TENM1: variants seen among roughly 807,000 people sequenced by gnomAD.
TENM1 encodes teneurin transmembrane protein 1, also known as teneurin-1.
In TENM1, 35 loss-of-function variants were observed where a neutral mutation model predicts 174.8. The observed-to-expected ratio is 0.20, with a 90% CI of 0.15 to 0.27. The LOEUF is 0.27. Among genes scored for constraint, TENM1 ranks in the 10% least tolerant of loss-of-function variants. The probability of loss-of-function intolerance (pLI) is 1.00; values close to 1 mark genes in which losing one functional copy is unlikely to be tolerated. For synonymous variants in TENM1, 781 were observed against 798.7 expected (o/e 0.98, Z 0.37); for missense variants, 1,633 against 2,130.1 (o/e 0.77, Z 4.59).
intron 4 of TENM1, among the ~76,000 whole-genome samples, chrX:124,736,000 A>G (rs745767381): frequency 9.0e-6 from 1 of 111,243 alleles, no homozygotes; most frequent in African/African-American, 3.3e-5. Flanking sequence ...CCTTTAGGTG[A>G]GGGTACACTA....
the TENM1 span, among the ~76,000 whole-genome samples, chrX:125,072,051 C>A: frequency 9.0e-6 from 1 of 111,218 alleles, no homozygotes; most frequent in Admixed American, 9.6e-5. Context: ...TAAGGTCATA[C>A]AGCTTGTTAG....
the TENM1 span, among the ~76,000 whole-genome samples, chrX:125,118,780 A>G: frequency 5.3e-5 from 6 of 112,269 alleles, no homozygotes; most frequent in Admixed American, 5.7e-4. Flanking sequence ...AAGATACTGA[A>G]ACAAAACCAA....
intron 28 of TENM1, among the ~76,000 whole-genome samples, chrX:124,389,651 C>G (rs1289130877): frequency 2.7e-5 from 3 of 109,987 alleles, no homozygotes; most frequent in Non-Finnish European, 5.7e-5. Flanking sequence ...CCCTCCCTTA[C>G]TTTCTTCTGC....
At position 124,384,886 on chromosome X, in the gene TENM1, C is replaced by T. The variant is rs754273534; in HGVS notation, c.6077-32G>A. ...GAACCAAAACAAAAACAGTAAGAAGCTAGGCGATCAATGTGGAAGAGTCAG... is the reference window on the plus strand; with the variant it reads ...GAACCAAAACAAAAACAGTAAGAAGTTAGGCGATCAATGTGGAAGAGTCAG... On this transcript the variant is annotated intron_variant, in intron 29 of 31. Coordinates refer to ENST00000422452, the Ensembl canonical transcript of TENM1. 14 of 1,167,279 alleles carry T rather than the reference C, an allele frequency of 1.2e-5. No individual in the cohort carries two copies. The South Asian group carries it at 2.8e-4, about 23-fold the overall frequency.
At chrX:124,440,088 C>T (rs1190318007) in intron 23 of TENM1, among the ~76,000 whole-genome samples, 1 of 111,746 alleles carries the variant, frequency 8.9e-6, no homozygotes, top group Non-Finnish European at 1.9e-5. Context: ...TCTCTTGCAT[C>T]CTCTATTAAA....
chrX:124,755,001 G>A (rs2054191088), intron 3 of TENM1, among the ~76,000 whole-genome samples: 1 of 102,277 alleles, frequency 9.8e-6, no homozygotes, highest in Non-Finnish European at 1.9e-5. Flanking sequence ...ATGTCTATTA[G>A]GTCCGCTTGG....
chrX:124,518,530 G>T (rs2047769717), intron 18 of TENM1, among the ~76,000 whole-genome samples: 1 of 110,834 alleles, frequency 9.0e-6, no homozygotes, highest in African/African-American at 3.3e-5. Flanking sequence ...TAGACTCCAT[G>T]CTTTATACTA....
chrX:124,589,029 G>T (rs967179423), intron 11 of TENM1, among the ~76,000 whole-genome samples: 31 of 109,794 alleles, frequency 2.8e-4, no homozygotes, highest in African/African-American at 1.0e-3. Context: ...GATGTTGGCT[G>T]TGAGTTTGTC....
At chrX:124,884,211 C>G (rs1240334174) in intron 3 of TENM1, among the ~76,000 whole-genome samples, 2 of 111,075 alleles carry the variant, frequency 1.8e-5, no homozygotes, top group African/African-American at 3.3e-5. Flanking sequence ...ATGGCTCATA[C>G]TTTGACCCTG....
At chrX:124,707,315 T>C (rs1049623739) in intron 4 of TENM1, among the ~76,000 whole-genome samples, 7 of 112,134 alleles carry the variant, frequency 6.2e-5, no homozygotes, top group Admixed American at 1.9e-4. Context: ...TCATTTTTTA[T>C]AAACTTTTTT....
At chrX:124,427,081 A>G (rs751897351) in intron 23 of TENM1, among the ~76,000 whole-genome samples, 37 of 111,961 alleles carry the variant, frequency 3.3e-4, no homozygotes, top group African/African-American at 1.2e-3. Context: ...GGAAGAGGAA[A>G]TGAATTCATT....
intron 1 of TENM1, among the ~76,000 whole-genome samples, chrX:124,903,446 C>T (rs1377369623): frequency 2.7e-5 from 3 of 111,650 alleles, no homozygotes; most frequent in Admixed American, 9.5e-5. Context: ...GGAAAGAAGA[C>T]GAGGTAGAAA....
intron 23 of TENM1, among the ~76,000 whole-genome samples, chrX:124,444,208 GT>G (rs1158533730): frequency 8.9e-6 from 1 of 111,926 alleles, no homozygotes; most frequent in African/African-American, 3.2e-5. Context: ...GGGAAGGATA[GT>G]GAAAATATTA....
At chrX:124,585,784 C>T (rs763932413) in intron 11 of TENM1, among the ~76,000 whole-genome samples, 6 of 111,259 alleles carry the variant, frequency 5.4e-5, no homozygotes, top group Admixed American at 9.5e-5. Context: ...ACTGATAGAC[C>T]GCTAGCCAGA....
the TENM1 span, among the ~76,000 whole-genome samples, chrX:125,196,828 A>C: frequency 8.9e-6 from 1 of 111,801 alleles, no homozygotes; most frequent in Non-Finnish European, 1.9e-5. Flanking sequence ...TAGGACATTT[A>C]ATTTTAAATG....
intron 3 of TENM1, among the ~76,000 whole-genome samples, chrX:124,891,166 G>A (rs1410122342): frequency 4.5e-5 from 5 of 110,843 alleles, no homozygotes; most frequent in Non-Finnish European, 9.4e-5. Context: ...GAGGGAAGTG[G>A]GGGAAAAGGT....
chrX:124,445,844 G>A (rs868675322), intron 23 of TENM1, among the ~76,000 whole-genome samples: 17 of 112,121 alleles, frequency 1.5e-4, no homozygotes, highest in South Asian at 1.1e-3. Flanking sequence ...ATGGAAGTGA[G>A]TTACCAGAGC....
At chrX:124,509,679 A>C (rs2047533439) in intron 18 of TENM1, among the ~76,000 whole-genome samples, 1 of 108,849 alleles carries the variant, frequency 9.2e-6, no homozygotes, top group Non-Finnish European at 1.9e-5. Flanking sequence ...CATGTGAGAG[A>C]AGCCATACCT....
chrX:124,583,382 A>G (rs1298317407), intron 11 of TENM1, among the ~76,000 whole-genome samples: 1 of 111,725 alleles, frequency 9.0e-6, no homozygotes, highest in Non-Finnish European at 1.9e-5. Context: ...GTTCATGAAA[A>G]TCCACTGTTC....
Sources: allele counts gnomAD v4.1 joint callset (sites outside exome capture counted in the v4.1 genomes callset), GRCh38; gene constraint gnomAD v4.1.1; transcripts MANE v1.5; gene names NCBI Gene and HGNC (gene_info 2026-07-23, HGNC 2026-07-21).